Variants in IPO11 observed in about 807,000 individuals in gnomAD.
IPO11 encodes importin 11, also known as importin-11.
Under a neutral mutation model 143.2 loss-of-function variants are expected in IPO11, and 66 were observed. That is an observed-to-expected ratio of 0.46 (90% CI 0.38 to 0.57). The LOEUF is 0.57. IPO11 is among the 20% of genes least tolerant of loss of function. The pLI, the probability that IPO11 is intolerant of heterozygous loss-of-function variation, is 0.00. For missense variants in IPO11, 1,026 were observed against 1,141.0 expected (o/e 0.90, Z 1.45); for synonymous variants, 385 against 377.8 (o/e 1.02, Z -0.22).
At chr5:62,579,469 C>T (rs1485494320) in intron 27 of IPO11, 2 of 1,550,736 alleles carry the variant, frequency 1.3e-6, no homozygotes, top group African/African-American at 2.7e-5. Context: ...TCTGCCTTGC[C>T]TACGACTGTT....
chr5:62,513,320 C>T (rs566610332), intron 19 of IPO11, among the ~76,000 whole-genome samples: 2 of 93,206 alleles, frequency 2.1e-5, no homozygotes, highest in East Asian at 2.3e-4. Context: ...GGCTGACCCC[C>T]CCACCTCCCT....
At chr5:62,624,542 C>T (rs1011854704) in intron 29 of IPO11, among the ~76,000 whole-genome samples, 4 of 152,166 alleles carry the variant, frequency 2.6e-5, no homozygotes, top group African/African-American at 9.7e-5. Context: ...TTTTAGCCAG[C>T]TTCTTTACCG....
intron 5 of IPO11, among the ~76,000 whole-genome samples, chr5:62,460,890 C>A (rs367634254): frequency 7.9e-5 from 12 of 152,068 alleles, no homozygotes; most frequent in Non-Finnish European, 1.6e-4. Context: ...TCCAGCTGAG[C>A]CTTCTGTAAG....
chr5:62,462,517 C>T (rs1246971372), intron 5 of IPO11, among the ~76,000 whole-genome samples: 1 of 150,828 alleles, frequency 6.6e-6, no homozygotes, highest in Non-Finnish European at 1.5e-5. Context: ...TGCCCCTTTG[C>T]TACCATTATT....
intron 5 of IPO11, among the ~76,000 whole-genome samples, chr5:62,458,910 A>T (rs989866466): frequency 6.6e-5 from 10 of 152,164 alleles, no homozygotes; most frequent in Admixed American, 2.6e-4. Flanking sequence ...TAAGAATGAA[A>T]ATTCCAAAAC....
chr5:62,472,963 A>G (rs1745833499), intron 7 of IPO11, among the ~76,000 whole-genome samples: 1 of 152,162 alleles, frequency 6.6e-6, no homozygotes, highest in African/African-American at 2.4e-5. Context: ...ATAATTTTCT[A>G]CTTTCTTTGG....
At chr5:62,474,322 G>A in intron 7 of IPO11, 94 bp from the exon 8 acceptor site, 1 of 712,278 alleles carries the variant, frequency 1.4e-6, no homozygotes, top group South Asian at 2.3e-5. Context: ...TTTTTTAAGT[G>A]ATGTGATAGA....
intron 3 of IPO11, among the ~76,000 whole-genome samples, chr5:62,443,441 G>C (rs1251130672): frequency 6.6e-6 from 1 of 150,940 alleles, no homozygotes; most frequent in African/African-American, 2.4e-5. Context: ...GTGTGCGTGT[G>C]ATGTTGGCCC....
chr5:62,576,237 G>A (rs961036696), intron 27 of IPO11: 7 of 158,462 alleles, frequency 4.4e-5, no homozygotes, highest in East Asian at 1.8e-4. Context: ...TGCTTATAGC[G>A]CAAAAATGGC....
chr5:62,435,082 G>GTATATATGTATATATA (rs1561308691), intron 1 of IPO11, among the ~76,000 whole-genome samples: 2 of 94,504 alleles, frequency 2.1e-5, no homozygotes, highest in African/African-American at 4.6e-5. Flanking sequence ...GTATATATAT[G>GTATATATGTATATATA]TGTATATATG....
At chr5:62,435,901 C>T (rs1041399858) in intron 1 of IPO11, among the ~76,000 whole-genome samples, 6 of 151,766 alleles carry the variant, frequency 4.0e-5, no homozygotes, top group Non-Finnish European at 1.5e-5. Context: ...TGGTGGTGTG[C>T]GCCTGTAATC....
At chr5:62,486,335 C>T (rs918879142) in intron 12 of IPO11, among the ~76,000 whole-genome samples, 1 of 152,078 alleles carries the variant, frequency 6.6e-6, no homozygotes, top group Admixed American at 6.6e-5. Flanking sequence ...TCTTTTAGTA[C>T]ATTGCTTGGG....
chr5:62,516,823 C>CTG (rs1742039428), intron 20 of IPO11, among the ~76,000 whole-genome samples: 1 of 151,904 alleles, frequency 6.6e-6, no homozygotes, highest in African/African-American at 2.4e-5. Context: ...CCATCCATCT[C>CTG]TGTAACTCTT....
chr5:62,583,449 A>C (rs963340910), intron 27 of IPO11, among the ~76,000 whole-genome samples: 1 of 152,176 alleles, frequency 6.6e-6, no homozygotes, highest in Non-Finnish European at 1.5e-5. Context: ...AAATCTATCA[A>C]AATTTTTGCT....
intron 1 of IPO11, among the ~76,000 whole-genome samples, chr5:62,426,491 A>C (rs1342386033): frequency 6.6e-6 from 1 of 152,202 alleles, no homozygotes; most frequent in Non-Finnish European, 1.5e-5. Context: ...GTTATTGACT[A>C]CATTACCTAC....
At chr5:62,560,820 T>G (rs1743744089) in intron 26 of IPO11, 1 of 172,730 alleles carries the variant, frequency 5.8e-6, no homozygotes, top group Admixed American at 6.3e-5. Context: ...TTGACAGTTT[T>G]GAAAAATGCA....
intron 1 of IPO11, among the ~76,000 whole-genome samples, chr5:62,419,486 CAG>C (rs1743424023): frequency 6.6e-6 from 1 of 152,116 alleles, no homozygotes; most frequent in Admixed American, 6.5e-5. Flanking sequence ...CACATTAACT[CAG>C]GTACACACAA....
intron 29 of IPO11, among the ~76,000 whole-genome samples, chr5:62,612,285 A>G (rs932565523): frequency 6.6e-6 from 1 of 152,174 alleles, no homozygotes; most frequent in African/African-American, 2.4e-5. Flanking sequence ...AGACAGGCCA[A>G]CGGATTTTAA....
At chr5:62,493,892 A>G in intron 15 of IPO11, 106 bp from the exon 16 acceptor site, 2 of 1,012,428 alleles carry the variant, frequency 2.0e-6, no homozygotes, top group Admixed American at 2.9e-5. Flanking sequence ...TTAAAAATGC[A>G]GATTGCATTC....
Sources: allele counts gnomAD v4.1 joint callset (sites outside exome capture counted in the v4.1 genomes callset), GRCh38; gene constraint gnomAD v4.1.1; transcripts MANE v1.5; gene names NCBI Gene and HGNC (gene_info 2026-07-23, HGNC 2026-07-21).